Variants in NPAS3 observed in about 807,000 individuals in gnomAD.
NPAS3 encodes the protein neuronal PAS domain-containing protein 3.
NPAS3 carries 14 observed loss-of-function variants against 73.1 expected under a neutral mutation model. The observed-to-expected ratio is 0.19, with a 90% CI of 0.13 to 0.30. The LOEUF (loss-of-function observed/expected upper bound fraction) is 0.30, where lower values mean the gene tolerates loss of function less well. Among genes scored for constraint, NPAS3 ranks in the 10% least tolerant of loss-of-function variants. NPAS3 has a pLI of 1.00. For missense variants in NPAS3, 1,096 were observed against 1,250.0 expected (o/e 0.88, Z 1.86); for synonymous variants, 620 against 541.5 (o/e 1.14, Z -2.01).
chr14:33,753,712 C>T (rs112700285), intron 7 of NPAS3, among the ~76,000 whole-genome samples: 15 of 152,318 alleles, frequency 9.8e-5, no homozygotes, highest in African/African-American at 3.6e-4. Context: ...GCAGCTACAA[C>T]AGGCAAACAC....
chr14:33,525,011 A>G (rs902909698), intron 4 of NPAS3, among the ~76,000 whole-genome samples: 15 of 152,214 alleles, frequency 9.9e-5, no homozygotes, highest in African/African-American at 3.6e-4. Context: ...TTAGTACTTT[A>G]ACATATGAAT....
intron 5 of NPAS3, among the ~76,000 whole-genome samples, chr14:33,647,881 T>A (rs2058879151): frequency 6.6e-6 from 1 of 152,178 alleles, no homozygotes; most frequent in Admixed American, 6.5e-5. Context: ...AGATACATAG[T>A]CACTCAAATG....
intron 3 of NPAS3, among the ~76,000 whole-genome samples, chr14:33,352,043 TA>T (rs11355090): frequency 0.15 from 22,638 of 149,302 alleles, 1,801 homozygotes; most frequent in African/African-American, 0.22. Context: ...CTTAACGTGT[TA>T]AAAAAAAAAC....
At chr14:33,080,535 G>A (rs2041833881) in intron 2 of NPAS3, among the ~76,000 whole-genome samples, 1 of 152,222 alleles carries the variant, frequency 6.6e-6, no homozygotes, top group African/African-American at 2.4e-5. Context: ...AATAAGAATA[G>A]CCAAGTTCAG....
At chr14:33,798,256 G>A (rs1049786016) in intron 11 of NPAS3, among the ~76,000 whole-genome samples, 4 of 152,094 alleles carry the variant, frequency 2.6e-5, no homozygotes, top group Non-Finnish European at 4.4e-5. Context: ...TTGGGGAAGC[G>A]GACTTCCTGA....
chr14:33,676,427 C>T (rs1204754466), intron 6 of NPAS3, 42 bp downstream of exon 6: 2 of 1,503,092 alleles, frequency 1.3e-6, no homozygotes, highest in East Asian at 4.7e-5. Context: ...TGGGCAGGAC[C>T]TTTGCCAAAT....
intron 1 of NPAS3, among the ~76,000 whole-genome samples, chr14:32,964,477 T>C (rs1327802568): frequency 6.6e-6 from 1 of 152,094 alleles, no homozygotes; most frequent in African/African-American, 2.4e-5. Flanking sequence ...TTACTTAAGT[T>C]AAAAAAGTCC....
At chr14:33,696,461 T>C (rs2060384507) in intron 6 of NPAS3, among the ~76,000 whole-genome samples, 1 of 152,208 alleles carries the variant, frequency 6.6e-6, no homozygotes, top group Non-Finnish European at 1.5e-5. Context: ...GAGTGCTTCA[T>C]GAAAACATGA....
intron 4 of NPAS3, among the ~76,000 whole-genome samples, chr14:33,413,960 T>C (rs1044398672): frequency 1.3e-5 from 2 of 152,198 alleles, no homozygotes; most frequent in Non-Finnish European, 2.9e-5. Context: ...TGATTCATTC[T>C]TTTCATATTA....
intron 3 of NPAS3, among the ~76,000 whole-genome samples, chr14:33,262,704 G>T (rs2049019468): frequency 6.6e-6 from 1 of 152,036 alleles, no homozygotes; most frequent in Non-Finnish European, 1.5e-5. Context: ...ATTTATAAAA[G>T]AAATATTCCA....
At chr14:33,527,146 T>C (rs571846104) in intron 4 of NPAS3, among the ~76,000 whole-genome samples, 21 of 152,212 alleles carry the variant, frequency 1.4e-4, no homozygotes, top group African/African-American at 5.1e-4. Context: ...CATTCCTTCT[T>C]CCCCATTTAT....
intron 4 of NPAS3, among the ~76,000 whole-genome samples, chr14:33,408,299 G>A (rs1178769607): frequency 6.6e-6 from 1 of 152,072 alleles, no homozygotes; most frequent in Non-Finnish European, 1.5e-5. Flanking sequence ...GCAAGCCCTT[G>A]GTTAAGACAA....
chr14:33,362,906 A>G (rs2045670317), intron 3 of NPAS3, among the ~76,000 whole-genome samples: 1 of 152,124 alleles, frequency 6.6e-6, no homozygotes, highest in Non-Finnish European at 1.5e-5. Context: ...TCACTTCAGA[A>G]TACCTTCTTC....
At chr14:32,981,770 C>A (rs1054256898) in intron 1 of NPAS3, among the ~76,000 whole-genome samples, 1 of 152,068 alleles carries the variant, frequency 6.6e-6, no homozygotes, top group Non-Finnish European at 1.5e-5. Flanking sequence ...GTGAGAGGAA[C>A]TCCAACAGCA....
chr14:33,395,246 ATAT>A (rs2047172028), intron 4 of NPAS3, among the ~76,000 whole-genome samples: 1 of 152,178 alleles, frequency 6.6e-6, no homozygotes, highest in African/African-American at 2.4e-5. Flanking sequence ...CTTTAAAATA[ATAT>A]TAGTTCTGTC....
intron 1 of NPAS3, among the ~76,000 whole-genome samples, chr14:32,948,084 C>T (rs1396058528): frequency 6.6e-6 from 1 of 152,124 alleles, no homozygotes; most frequent in Non-Finnish European, 1.5e-5. Flanking sequence ...ACAGTCTGTT[C>T]ATAAGAATCT....
At chr14:33,782,719 T>C (rs2063014745) in intron 9 of NPAS3, among the ~76,000 whole-genome samples, 1 of 151,996 alleles carries the variant, frequency 6.6e-6, no homozygotes, top group Non-Finnish European at 1.5e-5. Flanking sequence ...CAGAAAACTC[T>C]GGAAGAGTTA....
chr14:33,244,888 G>A (rs1200858082), intron 3 of NPAS3, among the ~76,000 whole-genome samples: 3 of 152,144 alleles, frequency 2.0e-5, no homozygotes, highest in Non-Finnish European at 2.9e-5. Context: ...TTGATTTTGG[G>A]ACAAGTGGTT....
At chr14:33,624,507 A>G (rs1176997321) in intron 5 of NPAS3, among the ~76,000 whole-genome samples, 2 of 151,922 alleles carry the variant, frequency 1.3e-5, no homozygotes, top group Admixed American at 1.3e-4. Flanking sequence ...GGTCCTTGGC[A>G]TAAAGAATAA....
Sources: gnomAD v4.1 joint callset for allele counts (sites outside exome capture counted in the v4.1 genomes callset) on GRCh38, gnomAD v4.1.1 for gene constraint, MANE v1.5 for transcripts, NCBI Gene and HGNC (gene_info 2026-07-23, HGNC 2026-07-21) for gene names.